Variants in UNC5D observed in about 807,000 individuals in gnomAD.
UNC5D encodes the protein unc-5 netrin receptor D, also known as netrin receptor UNC5D.
UNC5D carries 39 observed loss-of-function variants against 105.4 expected under a neutral mutation model. That is an observed-to-expected ratio of 0.37 (90% CI 0.29 to 0.48). UNC5D has a LOEUF of 0.48. Ranked by LOEUF, UNC5D falls within the 20% of genes least tolerant of loss-of-function variation. UNC5D has a pLI of 0.98. For synonymous variants in UNC5D, 452 were observed against 450.4 expected (o/e 1.00, Z -0.04); for missense variants, 991 against 1,202.4 (o/e 0.82, Z 2.60).
At chr8:35,364,247 GC>G (rs1321402888) in intron 1 of UNC5D, among the ~76,000 whole-genome samples, 1 of 128,804 alleles carries the variant, frequency 7.8e-6, no homozygotes, top group East Asian at 3.1e-4. Context: ...GTAAAGACAT[GC>G]TTTCTCTTAT....
intron 1 of UNC5D, among the ~76,000 whole-genome samples, chr8:35,451,730 G>A (rs555695958): frequency 1.2e-4 from 18 of 152,112 alleles, no homozygotes; most frequent in Non-Finnish European, 2.1e-4. Flanking sequence ...CATACAGGGC[G>A]TTTTTAGTTT....
At chr8:35,540,652 G>A (rs1006174395) in intron 1 of UNC5D, among the ~76,000 whole-genome samples, 1 of 152,114 alleles carries the variant, frequency 6.6e-6, no homozygotes, top group Admixed American at 6.6e-5. Context: ...AGGTGTCTCA[G>A]GTTAAATCAC....
chr8:35,420,881 G>T (rs999749422), intron 1 of UNC5D, among the ~76,000 whole-genome samples: 1 of 152,108 alleles, frequency 6.6e-6, no homozygotes, highest in Admixed American at 6.5e-5. Context: ...TATCTGACAA[G>T]TCAAGTAGGA....
At chr8:35,594,778 G>A (rs59877348) in intron 3 of UNC5D, among the ~76,000 whole-genome samples, 4,390 of 152,256 alleles carry the variant, frequency 0.029, 90 homozygotes, top group Middle Eastern at 0.058. Flanking sequence ...CAGCCTGGGT[G>A]TCAGGAAGCT....
At chr8:35,336,683 C>G (rs189433475) in intron 1 of UNC5D, among the ~76,000 whole-genome samples, 2 of 152,212 alleles carry the variant, frequency 1.3e-5, no homozygotes, top group Admixed American at 1.3e-4. Flanking sequence ...GGATAGTATG[C>G]AGACATATAC....
intron 11 of UNC5D, among the ~76,000 whole-genome samples, chr8:35,733,090 T>TG (rs1289877680): frequency 6.7e-6 from 1 of 149,546 alleles, no homozygotes; most frequent in East Asian, 2.0e-4. Context: ...TACTAAACTG[T>TG]GAAAAAAAAA....
intron 1 of UNC5D, among the ~76,000 whole-genome samples, chr8:35,273,766 A>G (rs1805583760): frequency 6.6e-6 from 1 of 152,202 alleles, no homozygotes; most frequent in Non-Finnish European, 1.5e-5. Flanking sequence ...TTTGGCTTGC[A>G]TAAAATCGGT....
chr8:35,505,146 A>C (rs1812224863), intron 1 of UNC5D, among the ~76,000 whole-genome samples: 1 of 152,244 alleles, frequency 6.6e-6, no homozygotes, highest in Non-Finnish European at 1.5e-5. Context: ...ATCAAGAAAT[A>C]TATACACCTA....
intron 1 of UNC5D, among the ~76,000 whole-genome samples, chr8:35,489,978 T>C (rs1811095707): frequency 1.3e-5 from 2 of 152,242 alleles, no homozygotes. Flanking sequence ...TTAGTAAATA[T>C]CATCCACTAA....
At chr8:35,426,466 C>T (rs1563406719) in intron 1 of UNC5D, among the ~76,000 whole-genome samples, 1 of 152,070 alleles carries the variant, frequency 6.6e-6, no homozygotes, top group Admixed American at 6.6e-5. Flanking sequence ...ATCATGACAC[C>T]TTTAGTATTA....
chr8:35,549,410 G>A lies in UNC5D; in HGVS notation c.222G>A (p.Arg74=). 6.2e-7 allele frequency: 1 copy of A among 1,613,372 alleles called. No individual in the cohort carries two copies. Among genetic ancestry groups the A allele is most frequent in the Non-Finnish European group, 8.5e-7 (1 of 1,180,030 alleles). ...TCAAGAGCAACCCTATTGCACTCAGGTGCAAAGCGAGGCCAGCCATGCAGA... is the reference window on the plus strand; with the variant it reads ...TCAAGAGCAACCCTATTGCACTCAGATGCAAAGCGAGGCCAGCCATGCAGA... ...YIIKSNPIAL[R]CKARPAMQIF... Residue 74 remains arginine, a synonymous_variant, in exon 2 of 17, where the codon AGG becomes AGA. Transcript: ENST00000404895.
At chr8:35,433,636 A>G (rs895817489) in intron 1 of UNC5D, among the ~76,000 whole-genome samples, 10 of 152,086 alleles carry the variant, frequency 6.6e-5, no homozygotes, top group Non-Finnish European at 8.8e-5. Flanking sequence ...TTTAATTCTT[A>G]TATCTTTTTA....
At position 35,707,352 on chromosome 8, in the gene UNC5D, T is replaced by A. The variant is rs141045512; in HGVS notation, c.1117+1391T>A. ...TAAACATTTAAACTTATTTCCCTGC[T>A]GTCTGCTGCCCATTAAAAAAAATCA... On this transcript the variant is annotated intron_variant, in intron 8 of 16. Transcript: ENST00000404895. Among the ~76,000 whole-genome samples, 232 of 152,344 alleles carry A rather than the reference T, an allele frequency of 1.5e-3. 3 individuals are homozygous for A. The East Asian group carries it at 0.037, about 24-fold the overall frequency.
intron 7 of UNC5D, among the ~76,000 whole-genome samples, chr8:35,700,112 C>CTAA (rs1448164111): frequency 5.3e-5 from 8 of 152,180 alleles, no homozygotes; most frequent in African/African-American, 1.9e-4. Context: ...TCCTTCACTG[C>CTAA]TAATACAAGG....
chr8:35,417,554 A>G (rs776136778), intron 1 of UNC5D, among the ~76,000 whole-genome samples: 1 of 152,320 alleles, frequency 6.6e-6, no homozygotes, highest in Non-Finnish European at 1.5e-5. Flanking sequence ...GCAATATAAC[A>G]TGGAATGAAT....
chr8:35,267,579 C>G (rs980380690), intron 1 of UNC5D, among the ~76,000 whole-genome samples: 1 of 152,108 alleles, frequency 6.6e-6, no homozygotes, highest in Non-Finnish European at 1.5e-5. Context: ...GCTGGGATTA[C>G]AGGCACCCAC....
intron 14 of UNC5D, among the ~76,000 whole-genome samples, chr8:35,762,371 T>C (rs977606234): frequency 1.3e-5 from 2 of 152,184 alleles, no homozygotes; most frequent in African/African-American, 4.8e-5. Context: ...TTACAATTTA[T>C]GGATGTAATT....
chr8:35,293,759 A>G (rs1429102454), intron 1 of UNC5D, among the ~76,000 whole-genome samples: 3 of 152,194 alleles, frequency 2.0e-5, no homozygotes, highest in Non-Finnish European at 4.4e-5. Flanking sequence ...GGCATCTTCA[A>G]TATTGTAATT....
chr8:35,687,811 G>T (rs570903625), intron 7 of UNC5D, among the ~76,000 whole-genome samples: 7 of 152,236 alleles, frequency 4.6e-5, no homozygotes, highest in South Asian at 4.1e-4. Flanking sequence ...TTTGAATGTT[G>T]TATGGCACAG....
Sources: gnomAD v4.1 joint callset for allele counts (sites outside exome capture counted in the v4.1 genomes callset) on GRCh38, gnomAD v4.1.1 for gene constraint, MANE v1.5 for transcripts, NCBI Gene and HGNC (gene_info 2026-07-23, HGNC 2026-07-21) for gene names.